The following ARSF variants were observed in gnomAD, a reference collection of about 807,000 sequenced individuals.
ARSF encodes the protein arylsulfatase F.
Under a neutral mutation model 35.4 loss-of-function variants are expected in ARSF, and 33 were observed. The ratio of observed to expected loss-of-function variants is 0.93; its 90% CI spans 0.71 to 1.25. The LOEUF is 1.25. Among genes scored for constraint, ARSF ranks in the 50% most tolerant of loss-of-function variants. ARSF has a pLI of 0.00. For missense variants in ARSF, 501 were observed against 480.2 expected (o/e 1.04, Z -0.40); for synonymous variants, 222 against 193.1 (o/e 1.15, Z -1.24).
chrX:3,077,204 T>A (rs748764237), intron 4 of ARSF, among the ~76,000 whole-genome samples: 30 of 112,754 alleles, frequency 2.7e-4, no homozygotes, highest in African/African-American at 8.7e-4. Flanking sequence ...GAGAGTTTTT[T>A]ATCTGAATTC....
At chrX:3,048,049 C>G (rs1224142728) in intron 1 of ARSF, among the ~76,000 whole-genome samples, 2 of 111,209 alleles carry the variant, frequency 1.8e-5, no homozygotes, top group African/African-American at 6.5e-5. Flanking sequence ...TTCACTACCA[C>G]AAGAATAATA....
intron 1 of ARSF, among the ~76,000 whole-genome samples, chrX:3,066,619 G>A (rs2090067378): frequency 8.9e-6 from 1 of 112,124 alleles, no homozygotes; most frequent in African/African-American, 3.2e-5. Context: ...TGAATGTAAT[G>A]TTTTGTTGTT....
Position 3,080,939 on chromosome X carries a change from C to T in ARSF, c.332C>T (p.Pro111Leu), listed in dbSNP as rs754127728. ...CGTGTCATCCAAAATCTTGCAGTCC[C>T]CGCAGGCCTCCCTCTTAATGAGACA... ...NRRVIQNLAVPAGLPLNETTL... is the reference protein window; with the variant it reads ...NRRVIQNLAVLAGLPLNETTL... The change falls in exon 5 of 11, where the codon CCC becomes CTC. Residue 111 changes from proline (P) to leucine (L), a missense_variant. By Grantham distance (98) the Pro-to-Leu change is moderately conservative. Coordinates refer to ENST00000381127, the MANE Select transcript of ARSF (RefSeq NM_001201539.2). 4.1e-6 allele frequency: 5 copies of T among 1,211,495 alleles called. No individual in the cohort carries two copies. The highest frequency in any genetic ancestry group is 5.6e-6 in the Non-Finnish European group (5 of 895,346).
At position 3,101,121 on chromosome X, in the gene ARSF, A is replaced by G; in HGVS notation, c.1002A>G (p.Leu334=). 1 of 1,210,474 alleles carries G rather than the reference A, an allele frequency of 8.3e-7. No homozygotes were observed. Among genetic ancestry groups the G allele is most frequent in the Non-Finnish European group, 1.1e-6 (1 of 894,808 alleles). The change falls in exon 8 of 11, where the codon CTA becomes CTG. Residue 334 remains leucine (L), a synonymous_variant. Coordinates refer to ENST00000381127, the MANE Select transcript of ARSF (RefSeq NM_001201539.2). ...KILDAIDDFG[L]RNNTLVYFTS... ...TTGATGCTATCGATGATTTTGGCCT[A>G]AGGAACAACACCCTTGTCTACTTTA...
chrX:3,055,116 G>A (rs1405246011), intron 1 of ARSF, among the ~76,000 whole-genome samples: 2 of 106,760 alleles, frequency 1.9e-5, no homozygotes, highest in Non-Finnish European at 3.9e-5. Context: ...GCCAAGACGG[G>A]CAGATCACCT....
At position 3,103,779 on chromosome X, in the gene ARSF, G is replaced by T; in HGVS notation, c.1120G>T (p.Gly374Cys). 8.3e-7 allele frequency: 1 copy of T among 1,211,404 alleles called. No individual in the cohort carries two copies. Among genetic ancestry groups the T allele is most frequent in the Non-Finnish European group, 1.1e-6 (1 of 895,318 alleles). Reference sequence around the variant, plus strand: ...TCTTATAGGTGGAAAAGGCATGGGGGGCTGGGAAGGTGGAATCCGCGTCCC... The same window carrying T: ...TCTTATAGGTGGAAAAGGCATGGGGTGCTGGGAAGGTGGAATCCGCGTCCC... ...GIYKGGKGMG[G>C]WEGGIRVPGI... Residue 374 changes from glycine to cysteine, a missense_variant, in exon 9 of 11, where the codon GGC (glycine) becomes TGC (cysteine). Coordinates refer to ENST00000381127, the MANE Select transcript of ARSF (RefSeq NM_001201539.2).
intron 9 of ARSF, among the ~76,000 whole-genome samples, chrX:3,107,696 A>AC (rs36022269): frequency 0.29 from 32,098 of 110,277 alleles, 3,784 homozygotes; most frequent in African/African-American, 0.44. Flanking sequence ...AATGCTCTAA[A>AC]TTTTTAAAAT....
At chrX:3,094,987 C>T (rs1242499492) in intron 7 of ARSF, among the ~76,000 whole-genome samples, 1 of 106,653 alleles carries the variant, frequency 9.4e-6, no homozygotes, top group Non-Finnish European at 1.9e-5. Context: ...TTATTTATTT[C>T]AGTTGATGTT....
At chrX:3,059,380 A>G (rs1316488858) in intron 1 of ARSF, among the ~76,000 whole-genome samples, 1 of 111,803 alleles carries the variant, frequency 8.9e-6, no homozygotes, top group East Asian at 2.8e-4. Context: ...CGTGATCAAC[A>G]CAGAAAACGG....
At chrX:3,094,200 A>C (rs1411976312) in intron 7 of ARSF, among the ~76,000 whole-genome samples, 2 of 111,883 alleles carry the variant, frequency 1.8e-5, no homozygotes, top group Non-Finnish European at 3.8e-5. Flanking sequence ...ACAGAGAAGG[A>C]GGCAAAAGTA....
intron 8 of ARSF, among the ~76,000 whole-genome samples, chrX:3,102,561 C>T (rs753437778): frequency 2.7e-5 from 3 of 112,491 alleles, no homozygotes; most frequent in Non-Finnish European, 5.6e-5. Flanking sequence ...CATATCTTTG[C>T]AATTGAGAAT....
chrX:3,063,965 T>C (rs892449522), intron 1 of ARSF, among the ~76,000 whole-genome samples: 20 of 111,847 alleles, frequency 1.8e-4, no homozygotes, highest in African/African-American at 6.5e-4. Context: ...TTAAAGTTCA[T>C]ATGGAACCAA....
At chrX:3,065,405 C>A (rs1209387949) in intron 1 of ARSF, among the ~76,000 whole-genome samples, 1 of 107,915 alleles carries the variant, frequency 9.3e-6, no homozygotes, top group Admixed American at 1.0e-4. Flanking sequence ...GCATGTTGTG[C>A]ACATGTACCC....
chrX:3,101,482 A>C (rs1271960871), intron 8 of ARSF, among the ~76,000 whole-genome samples: 1 of 111,512 alleles, frequency 9.0e-6, no homozygotes, highest in East Asian at 2.8e-4. Flanking sequence ...AATTATGAGG[A>C]GTTAGCACAA....
Position 3,102,417 on chromosome X carries a change from T to C in ARSF, c.1102+1196T>C, listed in dbSNP as rs200239411. 6.0e-4 allele frequency among the ~76,000 whole-genome samples: 67 copies of C among 112,271 alleles called. No individual in the cohort carries two copies. In the East Asian group the frequency reaches 0.015, roughly 24 times the overall value. The stretch of plus-strand genomic sequence containing the variant: ...TCCTGAGTTACTTCACTTAGAATAA[T>C]GGCCTCCAGCTCCATCCAAGTTACT... On this transcript the variant is annotated intron_variant, in intron 8 of 10. Coordinates refer to ENST00000381127, the MANE Select transcript of ARSF (RefSeq NM_001201539.2).
chrX:3,068,526 C>T, intron 2 of ARSF, among the ~76,000 whole-genome samples: 1 of 111,727 alleles, frequency 9.0e-6, no homozygotes, highest in Admixed American at 9.6e-5. Context: ...CTCAAGAGAT[C>T]CTCCAGCCTC....
intron 9 of ARSF, among the ~76,000 whole-genome samples, chrX:3,106,194 A>G (rs2095724828): frequency 8.9e-6 from 1 of 112,281 alleles, no homozygotes; most frequent in Non-Finnish European, 1.9e-5. Context: ...AGGACGCACC[A>G]TCTTTGTAGT....
intron 7 of ARSF, among the ~76,000 whole-genome samples, chrX:3,094,466 T>C (rs745660903): frequency 1.8e-5 from 2 of 112,361 alleles, no homozygotes; most frequent in Non-Finnish European, 3.8e-5. Flanking sequence ...GAGGCTTTCA[T>C]TGGAGATACC....
intron 7 of ARSF, among the ~76,000 whole-genome samples, chrX:3,097,797 G>A (rs1232218717): frequency 3.6e-5 from 4 of 111,488 alleles, no homozygotes; most frequent in East Asian, 5.7e-4. Context: ...TTGGGATGCC[G>A]AGGCAGGCAG....
Sources: gnomAD v4.1 joint callset for allele counts (sites outside exome capture counted in the v4.1 genomes callset) on GRCh38, gnomAD v4.1.1 for gene constraint, MANE v1.5 for transcripts, NCBI Gene and HGNC (gene_info 2026-07-23, HGNC 2026-07-21) for gene names.